The following TERF2 variants were observed in gnomAD, a reference collection of about 807,000 sequenced individuals.
TERF2 encodes telomeric repeat binding factor 2, also known as telomeric repeat-binding factor 2.
TERF2 carries 16 observed loss-of-function variants against 56.1 expected under a neutral mutation model. The ratio of observed to expected loss-of-function variants is 0.29; its 90% CI spans 0.19 to 0.43. The LOEUF (loss-of-function observed/expected upper bound fraction) is 0.43. TERF2 is among the 20% of genes least tolerant of loss of function. The pLI, the probability that TERF2 is intolerant of heterozygous loss-of-function variation, is 1.00. For missense variants in TERF2, 547 were observed against 712.9 expected, an observed-to-expected ratio of 0.77 and a Z score of 2.65; for synonymous variants, 296 against 282.1, an observed-to-expected ratio of 1.05 and a Z score of -0.50.
intron 3 of TERF2, among the ~76,000 whole-genome samples, chr16:69,377,310 G>T (rs2013831024): frequency 1.3e-5 from 2 of 151,768 alleles, no homozygotes; most frequent in South Asian, 4.2e-4. Flanking sequence ...TCCAATCCAT[G>T]AACATGAACA....
intron 4 of TERF2, among the ~76,000 whole-genome samples, chr16:69,371,917 A>G (rs1000881535): frequency 1.3e-5 from 2 of 152,216 alleles, no homozygotes; most frequent in African/African-American, 2.4e-5. Context: ...TGTCCTCACC[A>G]AAGAAGTTTC....
intron 3 of TERF2, 84 bp from the exon 4 acceptor site, chr16:69,372,439 A>T (rs1245385342): frequency 1.1e-6 from 1 of 888,840 alleles, no homozygotes; most frequent in African/African-American, 1.7e-5. Context: ...ACTCTCTCTC[A>T]CATCATATCA....
intron 1 of TERF2, 36 bp downstream of exon 1, chr16:69,385,557 G>GC: frequency 6.8e-6 from 5 of 734,380 alleles, no homozygotes; most frequent in Non-Finnish European, 1.1e-5. Flanking sequence ...CCCCTTCCCC[G>GC]GCGCTCCAAC....
At chr16:69,364,952 G>A (rs535612841) in intron 7 of TERF2, 3 of 152,346 alleles carry the variant, frequency 2.0e-5, no homozygotes, top group African/African-American at 7.2e-5. Flanking sequence ...ATAATACATT[G>A]ATGATGGGTG....
chr16:69,364,070 G>C (rs1327643524), intron 7 of TERF2, among the ~76,000 whole-genome samples: 1 of 152,192 alleles, frequency 6.6e-6, no homozygotes, highest in East Asian at 1.9e-4. Flanking sequence ...GTTACCCTCT[G>C]CTGGCTTTTT....
chr16:69,364,943 T>C (rs1417997440), intron 7 of TERF2: 2 of 152,264 alleles, frequency 1.3e-5, no homozygotes, highest in Non-Finnish European at 2.9e-5. Flanking sequence ...CAGCCCTAGA[T>C]AATACATTGA....
chr16:69,362,828 A>G (rs1171338169), intron 7 of TERF2, among the ~76,000 whole-genome samples: 2 of 152,336 alleles, frequency 1.3e-5, no homozygotes, highest in East Asian at 3.9e-4. Flanking sequence ...AGGAATTTAT[A>G]TAAATCAAAT....
chr16:69,385,934 C>G lies in TERF2; in HGVS notation c.38G>C (p.Gly13Ala), dbSNP rs771614905. ...CGCTGGGTCACGCACGACGCCCGGG[C>G]CGGAAGCGGGGCCCGCCGTCCCGGC... is the stretch of plus-strand genomic sequence containing the variant. ...AGAGTAGPASGPGVVRDPAAS... is the reference protein window; with the variant it reads ...AGAGTAGPASAPGVVRDPAAS... The change falls in exon 1 of 10, where the codon GGC becomes GCC. Residue 13 changes from glycine (G) to alanine (A), a missense_variant. Physicochemically the swap from Gly to Ala is moderately conservative, Grantham distance 60 (BLOSUM62 0). This residue lies in a region of TERF2 where 85 missense variants were observed against 59.5 expected (regional missense o/e 1.43). Transcript: ENST00000254942. The G allele has an allele frequency of 1.5e-6, 2 of 1,369,324 alleles. No homozygotes were observed. Among genetic ancestry groups the G allele is most frequent in the East Asian group, 3.1e-5 (1 of 32,282 alleles). The allele number at this position is 1,369,324 out of a possible 1,614,324, so 84.8% of individuals were successfully genotyped here.
intron 3 of TERF2, among the ~76,000 whole-genome samples, chr16:69,377,309 T>C (rs1035173895): frequency 3.3e-5 from 5 of 152,128 alleles, no homozygotes; most frequent in African/African-American, 1.2e-4. Flanking sequence ...TTCCAATCCA[T>C]GAACATGAAC....
intron 4 of TERF2, 93 bp downstream of exon 4, chr16:69,372,176 G>T: frequency 1.2e-6 from 1 of 809,190 alleles, no homozygotes; most frequent in Non-Finnish European, 2.0e-6. Flanking sequence ...GAATATTTAA[G>T]TAATATTCCT....
chr16:69,373,865 G>T (rs2013666938), intron 3 of TERF2, among the ~76,000 whole-genome samples: 1 of 151,666 alleles, frequency 6.6e-6, no homozygotes, highest in South Asian at 2.1e-4. Flanking sequence ...TTGGTTCACA[G>T]ATATTTTTGA....
In TERF2 at chr16:69,359,627, A is replaced by ATTTTTTTTT. The variant is rs564611021; in HGVS notation, c.1426+1768_1426+1776dup. Among the ~76,000 whole-genome samples, 4 of 72,588 alleles carry ATTTTTTTTT rather than the reference A, an allele frequency of 5.5e-5. 1 individual carries two copies. The highest frequency in any genetic ancestry group is 1.6e-4 in the Admixed American group (1 of 6,188). 47.6% of individuals were successfully genotyped at this position (72,588 alleles called of 152,430 possible). On this transcript the variant is annotated intron_variant, in intron 8 of 9. Transcript: ENST00000254942. ...AATCTTCCTCTTACTATCATTCCCAATTTTTTTTTTTTTTTTTTTTTTTTT... is the reference window on the plus strand; with the variant it reads ...AATCTTCCTCTTACTATCATTCCCAATTTTTTTTTTTTTTTTTTTTTTTTTTTTTTTTTT...
chr16:69,356,850 T>C lies in TERF2; in HGVS notation c.*48A>G. Reference sequence around the variant, plus strand: ...AGAAAGAGCAGACTATCAGGGGCTATTATTAGGAACCATGCTCCTGTGAAT... The same window carrying C: ...AGAAAGAGCAGACTATCAGGGGCTACTATTAGGAACCATGCTCCTGTGAAT... On this transcript the variant is annotated 3_prime_UTR_variant, in exon 10 of 10. Transcript: ENST00000254942. The C allele has an allele frequency of 1.3e-6, 2 of 1,542,646 alleles. No individual in the cohort carries two copies. Among genetic ancestry groups the C allele is most frequent in the Non-Finnish European group, 8.7e-7 (1 of 1,147,876 alleles).
chr16:69,376,348 A>C (rs1458533309), intron 3 of TERF2, among the ~76,000 whole-genome samples: 1 of 151,816 alleles, frequency 6.6e-6, no homozygotes, highest in African/African-American at 2.4e-5. Context: ...GTCAAAAATC[A>C]ATCAGTCATA....
chr16:69,384,362 C>T (rs2014111321), intron 3 of TERF2, among the ~76,000 whole-genome samples: 1 of 152,140 alleles, frequency 6.6e-6, no homozygotes, highest in Non-Finnish European at 1.5e-5. Flanking sequence ...CAAGGAAGAC[C>T]ACCCAAATCA....
intron 3 of TERF2, among the ~76,000 whole-genome samples, chr16:69,378,230 T>C (rs2013865624): frequency 6.6e-6 from 1 of 152,194 alleles, no homozygotes; most frequent in Admixed American, 6.5e-5. Flanking sequence ...TCCTGGACTT[T>C]GGTTTCCCCA....
intron 8 of TERF2, among the ~76,000 whole-genome samples, chr16:69,358,308 C>T (rs1045485736): frequency 2.0e-5 from 3 of 151,926 alleles, no homozygotes; most frequent in Admixed American, 6.6e-5. Flanking sequence ...CCACCGTGCC[C>T]GGCTAATTTT....
chr16:69,372,137 C>T (rs969542215), intron 4 of TERF2, 132 bp downstream of exon 4: 5 of 567,618 alleles, frequency 8.8e-6, no homozygotes, highest in Non-Finnish European at 1.5e-5. Flanking sequence ...TAAAAGATAA[C>T]TTGCTGCAGG....
At chr16:69,366,744 AATACC>A in intron 7 of TERF2, 58 bp downstream of exon 7, 2 of 1,529,982 alleles carry the variant, frequency 1.3e-6, no homozygotes, top group Non-Finnish European at 1.8e-6. Context: ...TCACGGAAGT[AATACC>A]AGGCCCAACC....
Sources: gnomAD v4.1 joint callset for allele counts (sites outside exome capture counted in the v4.1 genomes callset) on GRCh38, gnomAD v4.1.1 for gene constraint, gnomAD v4.1.1 regional missense constraint, MANE v1.5 for transcripts, NCBI Gene and HGNC (gene_info 2026-07-23, HGNC 2026-07-21) for gene names.